PAAF1: variants seen among roughly 807,000 people sequenced by gnomAD.
The protein encoded by PAAF1 is proteasomal ATPase associated factor 1, also known as proteasomal ATPase-associated factor 1.
In PAAF1, 46 loss-of-function variants were observed where a neutral mutation model predicts 52.8. The observed-to-expected ratio is 0.87, with a 90% CI of 0.69 to 1.11. The LOEUF (loss-of-function observed/expected upper bound fraction) is 1.11. PAAF1 is among the 50% of genes most tolerant of loss of function. PAAF1 has a pLI of 0.00. For synonymous variants in PAAF1, 178 were observed against 172.8 expected, an observed-to-expected ratio of 1.03 and a Z score of -0.24; for missense variants, 424 against 477.4, an observed-to-expected ratio of 0.89 and a Z score of 1.04.
At chr11:73,900,191 G>A (rs1949556945) in intron 5 of PAAF1, 79 bp from the exon 6 acceptor site, 1 of 1,442,464 alleles carries the variant, frequency 6.9e-7, no homozygotes, top group Admixed American at 2.2e-5. Context: ...TTTCATATAA[G>A]GGACCAGAGT....
intron 10 of PAAF1, among the ~76,000 whole-genome samples, chr11:73,922,873 C>T (rs1414346860): frequency 6.7e-6 from 1 of 148,924 alleles, no homozygotes; most frequent in African/African-American, 2.5e-5. Context: ...TCCTTTGGAA[C>T]TCTTTGATTA....
At chr11:73,916,195 G>C (rs1950057457) in intron 8 of PAAF1, among the ~76,000 whole-genome samples, 1 of 152,138 alleles carries the variant, frequency 6.6e-6, no homozygotes. Flanking sequence ...CTTACATGTG[G>C]GAATTGCAAG....
rs1950012016 is a variant in PAAF1, at chr11:73,914,472, C to G, written c.787C>G (p.Leu263Val). The G allele has an allele frequency of 6.2e-7, 1 of 1,613,882 alleles. No individual in the cohort carries two copies. Among genetic ancestry groups the G allele is most frequent in the African/African-American group, 1.3e-5 (1 of 74,892 alleles). Residue 263 changes from leucine to valine, a missense_variant, in exon 8 of 12, where the codon CTT becomes GTT. Coordinates refer to ENST00000310571, the MANE Select transcript of PAAF1 (RefSeq NM_025155.3). ...GCTCTTGGCCCGGGAAGATAAGAAACTTCAGTGCTTGGGACTACAGAGCAG... is the reference window on the plus strand; with the variant it reads ...GCTCTTGGCCCGGGAAGATAAGAAAGTTCAGTGCTTGGGACTACAGAGCAG... ...MLLLAREDKK[L>V]QCLGLQSRQL...
intron 7 of PAAF1, 126 bp from the exon 8 acceptor site, chr11:73,914,287 T>A (rs537453025): frequency 1.4e-6 from 1 of 734,832 alleles, no homozygotes; most frequent in Non-Finnish European, 2.3e-6. Flanking sequence ...CAGAACATAA[T>A]AAATGTTTTC....
chr11:73,930,485 G>T lies in PAAF1; in HGVS notation c.*3123G>T, dbSNP rs1019817245. On this transcript the variant is annotated 3_prime_UTR_variant, in exon 12 of 12. Transcript: ENST00000310571. ...TGGAAGAACCAGCGTGGTGGCTCAC[G>T]CCTGTAATCCCAGCACTTTGGGAGG... 4 of 152,122 alleles carry T rather than the reference G, an allele frequency of 2.6e-5. No individual in the cohort carries two copies. Among genetic ancestry groups the T allele is most frequent in the African/African-American group, 9.7e-5 (4 of 41,428 alleles). 9.4% of individuals were successfully genotyped at this position (152,122 alleles called of 1,614,324 possible). A position where few individuals can be genotyped will look rare whatever the true frequency, so the allele number is the denominator to read the frequency against.
rs920257445 is a variant in PAAF1, at chr11:73,929,580, A to G, written c.*2218A>G. Reference sequence around the variant, plus strand: ...ACCAGAGGCTTCATTTGGACCTTGGACAGCACCTTCTGCTGCACTGTGTAA... The same window carrying G: ...ACCAGAGGCTTCATTTGGACCTTGGGCAGCACCTTCTGCTGCACTGTGTAA... On this transcript the variant is annotated 3_prime_UTR_variant, in exon 12 of 12. Transcript: ENST00000310571. The G allele has an allele frequency of 6.6e-6, 1 of 152,272 alleles. No homozygotes were observed. Among genetic ancestry groups the G allele is most frequent in the Non-Finnish European group, 1.5e-5 (1 of 68,046 alleles). The allele number at this position is 152,272 out of a possible 1,614,324, so 9.4% of individuals were successfully genotyped here. A position where few individuals can be genotyped will look rare whatever the true frequency, so the allele number is the denominator to read the frequency against.
chr11:73,882,238 T>A (rs1183972976), intron 2 of PAAF1, among the ~76,000 whole-genome samples: 2 of 147,766 alleles, frequency 1.4e-5, no homozygotes, highest in Non-Finnish European at 3.0e-5. Flanking sequence ...ATGGTCTCCA[T>A]CTCCTGACCT....
chr11:73,902,561 A>G lies in PAAF1; in HGVS notation c.532+2141A>G, dbSNP rs139939688. On this transcript the variant is annotated intron_variant, in intron 6 of 11. Transcript: ENST00000310571. ...GCATATTCAACATCAGTGCACATCC[A>G]GTTTATAAATACCTTTGGATCACTG... 3.5e-4 allele frequency among the ~76,000 whole-genome samples: 53 copies of G among 152,360 alleles called. 1 individual carries two copies. In the East Asian group the frequency reaches 9.4e-3, roughly 27 times the overall value.
At chr11:73,889,574 C>T (rs1159255206) in intron 3 of PAAF1, among the ~76,000 whole-genome samples, 1 of 152,162 alleles carries the variant, frequency 6.6e-6, no homozygotes, top group Non-Finnish European at 1.5e-5. Flanking sequence ...GATTGATTTG[C>T]AAGACTGCAA....
intron 7 of PAAF1, among the ~76,000 whole-genome samples, chr11:73,913,060 A>G (rs1472123339): frequency 6.6e-6 from 1 of 152,060 alleles, no homozygotes; most frequent in Non-Finnish European, 1.5e-5. Flanking sequence ...TATTTTTAGT[A>G]GAGATGGGGT....
At position 73,914,468 on chromosome 11, in the gene PAAF1, G is replaced by A. The variant is rs1950011791; in HGVS notation, c.783G>A (p.Lys261=). The A allele has an allele frequency of 9.9e-6, 16 of 1,613,926 alleles. No homozygotes were observed. The highest frequency in any genetic ancestry group is 1.4e-5 in the Non-Finnish European group (16 of 1,179,980). The change falls in exon 8 of 12, where the codon AAG becomes AAA. Residue 261 remains lysine, a synonymous_variant. Coordinates refer to ENST00000310571, the MANE Select transcript of PAAF1 (RefSeq NM_025155.3). The stretch of plus-strand genomic sequence containing the variant: ...TGCTGCTCTTGGCCCGGGAAGATAA[G>A]AAACTTCAGTGCTTGGGACTACAGA... The part of the protein sequence containing the change: ...AKMLLLARED[K]KLQCLGLQSR...
intron 2 of PAAF1, among the ~76,000 whole-genome samples, chr11:73,881,004 A>T (rs1034854399): frequency 6.6e-6 from 1 of 152,086 alleles, no homozygotes. Flanking sequence ...CCATCTCTAA[A>T]TAAATAAATA....
At chr11:73,910,742 G>A (rs1439038112) in intron 7 of PAAF1, among the ~76,000 whole-genome samples, 1 of 152,124 alleles carries the variant, frequency 6.6e-6, no homozygotes, top group Non-Finnish European at 1.5e-5. Context: ...TGTAATCCCA[G>A]CACTTTGGGA....
chr11:73,898,137 C>G (rs947323912), intron 4 of PAAF1, among the ~76,000 whole-genome samples: 2 of 146,400 alleles, frequency 1.4e-5, no homozygotes, highest in African/African-American at 2.5e-5. Context: ...GCAGCAGTAC[C>G]GTCCAGCTGG....
chr11:73,921,680 C>T (rs1348587681), intron 10 of PAAF1: 1 of 804,894 alleles, frequency 1.2e-6, no homozygotes, highest in African/African-American at 1.7e-5. Flanking sequence ...TTGAAAGACT[C>T]TAGCATGAAC....
intron 4 of PAAF1, among the ~76,000 whole-genome samples, chr11:73,897,321 A>G (rs548224841): frequency 0.041 from 5,835 of 140,870 alleles, 190 homozygotes; most frequent in Middle Eastern, 0.064. Flanking sequence ...GGTGGCTGCC[A>G]GGCGGAGACG....
rs114379925 is a variant in PAAF1 at position 73,887,221 on chromosome 11, C to T, written c.89-133C>T. ...TTTTTACTTCACCTGACTTTTAACA[C>T]AGGCACCTGTTTTTCTTTCGTGGGC... On this transcript the variant is annotated intron_variant, in intron 2 of 11. Transcript: ENST00000310571. 5.5e-3 allele frequency: 3,235 copies of T among 587,568 alleles called. 80 individuals are homozygous for T. The African/African-American group carries it at 0.056, about 10-fold the overall frequency. The allele number at this position is 587,568 out of a possible 1,614,324, so 36.4% of individuals were successfully genotyped here.
intron 5 of PAAF1, among the ~76,000 whole-genome samples, chr11:73,899,612 A>G (rs1366980470): frequency 6.6e-6 from 1 of 152,060 alleles, no homozygotes; most frequent in African/African-American, 2.4e-5. Context: ...GGCTTTCGCC[A>G]TGTCGGCCAG....
chr11:73,898,232 GGGAGAGGGAGAGGGAGAA>G (rs1170899809), intron 4 of PAAF1, among the ~76,000 whole-genome samples: 28 of 148,404 alleles, frequency 1.9e-4, no homozygotes, highest in African/African-American at 4.0e-4. Context: ...GAGAGGGAGA[GGGAGAGGGAGAGGGAGAA>G]GGAGAGGGAG....
Sources: gnomAD v4.1 joint callset for allele counts (sites outside exome capture counted in the v4.1 genomes callset) on GRCh38, gnomAD v4.1.1 for gene constraint, MANE v1.5 for transcripts, NCBI Gene and HGNC (gene_info 2026-07-23, HGNC 2026-07-21) for gene names.